Variants in LRFN5 observed in about 807,000 individuals in gnomAD.
LRFN5 encodes leucine-rich repeat and fibronectin type-III domain-containing protein 5.
In LRFN5, 24 loss-of-function variants were observed where a neutral mutation model predicts 45.6. The ratio of observed to expected loss-of-function variants is 0.53; its 90% CI spans 0.38 to 0.74. The LOEUF is 0.74. LRFN5 is among the 30% of genes least tolerant of loss of function. The probability of loss-of-function intolerance (pLI) is 0.00; values close to 1 mark genes in which losing one functional copy is unlikely to be tolerated. For missense variants in LRFN5, 776 were observed against 861.5 expected, an observed-to-expected ratio of 0.90 and a Z score of 1.24; for synonymous variants, 340 against 313.8, an observed-to-expected ratio of 1.08 and a Z score of -0.88.
chr14:41,875,914 G>C (rs1300801939), intron 2 of LRFN5, among the ~76,000 whole-genome samples: 1 of 152,088 alleles, frequency 6.6e-6, no homozygotes, highest in Non-Finnish European at 1.5e-5. Context: ...CCCACTATAG[G>C]CCACGTATTT....
intron 2 of LRFN5, among the ~76,000 whole-genome samples, chr14:41,818,245 C>A (rs968596838): frequency 2.2e-4 from 34 of 151,730 alleles, no homozygotes; most frequent in Non-Finnish European, 4.4e-4. Flanking sequence ...TTAACTGTAT[C>A]TTCAACTCTT....
At position 41,766,944 on chromosome 14, in the gene LRFN5, G is replaced by A. The variant is rs1230994494; in HGVS notation, c.-106G>A. On this transcript the variant is annotated 5_prime_UTR_variant, in exon 2 of 6. Coordinates refer to ENST00000298119, the MANE Select transcript of LRFN5 (RefSeq NM_152447.5). ...ACCGTCCTCTGAAATCAGCTTTGGA[G>A]ATGCTTTCACTCTGTCCGTCTTCTG... 6.6e-6 allele frequency: 1 copy of A among 152,584 alleles called. No individual in the cohort carries two copies. The highest frequency in any genetic ancestry group is 1.5e-5 in the Non-Finnish European group (1 of 68,034). The allele number at this position is 152,584 out of a possible 1,614,324, so 9.5% of individuals were successfully genotyped here.
At chr14:41,834,600 C>A (rs1302657460) in intron 2 of LRFN5, among the ~76,000 whole-genome samples, 2 of 152,118 alleles carry the variant, frequency 1.3e-5, no homozygotes, top group Admixed American at 1.3e-4. Flanking sequence ...ACTTGATAAT[C>A]ATGTTAAATA....
At position 41,757,917 on chromosome 14, in the gene LRFN5, G is replaced by A. The variant is rs28370476; in HGVS notation, c.-196-8937G>A. Among the ~76,000 whole-genome samples, 932 of 152,054 alleles carry A rather than the reference G, an allele frequency of 6.1e-3. 11 individuals carry two copies. Among genetic ancestry groups the A allele is most frequent in the African/African-American group, 0.022 (897 of 41,502 alleles). On this transcript the variant is annotated intron_variant, in intron 1 of 5. Coordinates refer to ENST00000298119, the MANE Select transcript of LRFN5 (RefSeq NM_152447.5). ...TTGGCTCCAGAAGAATGTCATTTTT[G>A]GTACCCATATAGAGTGAGCTATCAG...
chr14:41,764,353 A>AAT (rs1181279070), intron 1 of LRFN5, among the ~76,000 whole-genome samples: 2 of 152,172 alleles, frequency 1.3e-5, no homozygotes, highest in African/African-American at 4.8e-5. Context: ...TTGATTCTTA[A>AAT]GAGAATTTTT....
intron 1 of LRFN5, among the ~76,000 whole-genome samples, chr14:41,704,436 C>CTG (rs1430752309): frequency 3.4e-5 from 3 of 89,488 alleles, no homozygotes; most frequent in East Asian, 5.6e-4. Flanking sequence ...CTCTCTCTCT[C>CTG]TCTCTCTCTC....
chr14:41,739,647 C>G (rs1304987811), intron 1 of LRFN5, among the ~76,000 whole-genome samples: 1 of 147,526 alleles, frequency 6.8e-6, no homozygotes, highest in African/African-American at 2.5e-5. Context: ...TGTTATACCT[C>G]TAGCAACTAG....
At chr14:41,861,789 A>C (rs1042476979) in intron 2 of LRFN5, among the ~76,000 whole-genome samples, 6 of 152,204 alleles carry the variant, frequency 3.9e-5, no homozygotes, top group African/African-American at 7.2e-5. Context: ...TAATTATTAC[A>C]AACTGAATCT....
chr14:41,735,763 A>C (rs868090486), intron 1 of LRFN5, among the ~76,000 whole-genome samples: 1 of 150,752 alleles, frequency 6.6e-6, no homozygotes. Context: ...CTTGTCCCCC[A>C]CCCCCTGACA....
At chr14:41,655,705 G>A (rs1474046088) in intron 1 of LRFN5, among the ~76,000 whole-genome samples, 1 of 152,000 alleles carries the variant, frequency 6.6e-6, no homozygotes, top group Admixed American at 6.6e-5. Flanking sequence ...TCTGGTAAGA[G>A]AAGATACATA....
chr14:41,802,785 C>G (rs1887383006), intron 2 of LRFN5, among the ~76,000 whole-genome samples: 1 of 151,796 alleles, frequency 6.6e-6, no homozygotes, highest in South Asian at 2.1e-4. Flanking sequence ...ATCACTTACT[C>G]AGAGTTTAAA....
chr14:41,614,230 C>T (rs904379022), intron 1 of LRFN5, among the ~76,000 whole-genome samples: 4 of 152,026 alleles, frequency 2.6e-5, no homozygotes, highest in Non-Finnish European at 4.4e-5. Context: ...ATTTATATGG[C>T]AGCATTGAAC....
In LRFN5 at chr14:41,755,472, A is replaced by C. The variant is rs7145477; in HGVS notation, c.-196-11382A>C. ...TCCTGTATTAGGTGCCTATATATTT[A>C]GGATAGTTAGCTCTTCTTGTTGAAT... On this transcript the variant is annotated intron_variant, in intron 1 of 5. Coordinates refer to ENST00000298119, the MANE Select transcript of LRFN5 (RefSeq NM_152447.5). Among the ~76,000 whole-genome samples, 1,278 of 152,258 alleles carry C rather than the reference A, an allele frequency of 8.4e-3. 22 individuals carry two copies. The highest frequency in any genetic ancestry group is 0.029 in the African/African-American group (1,207 of 41,538).
chr14:41,842,128 T>C (rs1888882313), intron 2 of LRFN5, among the ~76,000 whole-genome samples: 1 of 152,028 alleles, frequency 6.6e-6, no homozygotes, highest in Non-Finnish European at 1.5e-5. Flanking sequence ...GGGTTTGTTG[T>C]TTTTGGCTTT....
intron 1 of LRFN5, among the ~76,000 whole-genome samples, chr14:41,691,396 T>C (rs1882371803): frequency 6.6e-6 from 1 of 152,058 alleles, no homozygotes; most frequent in Non-Finnish European, 1.5e-5. Flanking sequence ...GAACTTTTAG[T>C]TGTCTGTTAT....
At chr14:41,859,139 T>C (rs1171219625) in intron 2 of LRFN5, among the ~76,000 whole-genome samples, 3 of 152,226 alleles carry the variant, frequency 2.0e-5, no homozygotes, top group Non-Finnish European at 4.4e-5. Context: ...GCTACCTTTG[T>C]CAGGTGAACA....
chr14:41,732,406 T>A (rs1289887726), intron 1 of LRFN5, among the ~76,000 whole-genome samples: 4 of 152,176 alleles, frequency 2.6e-5, no homozygotes, highest in African/African-American at 9.6e-5. Context: ...TTTGCCTTTG[T>A]CTCATTTTGG....
At chr14:41,653,941 A>C (rs1880251259) in intron 1 of LRFN5, among the ~76,000 whole-genome samples, 2 of 151,998 alleles carry the variant, frequency 1.3e-5, no homozygotes, top group South Asian at 2.1e-4. Context: ...TTTTGGTTTT[A>C]ATAACTGTAT....
chr14:41,699,801 G>T (rs118049205), intron 1 of LRFN5: 1 of 152,012 alleles, frequency 6.6e-6, no homozygotes, highest in South Asian at 2.1e-4. Context: ...GAAAGTGTAG[G>T]TATTCAGGGA....
Sources: allele counts gnomAD v4.1 joint callset (sites outside exome capture counted in the v4.1 genomes callset), GRCh38; gene constraint gnomAD v4.1.1; transcripts MANE v1.5; gene names NCBI Gene and HGNC (gene_info 2026-07-23, HGNC 2026-07-21).